The following ZNF385D variants were observed in gnomAD, a reference collection of about 807,000 sequenced individuals.
ZNF385D encodes zinc finger protein 385D.
In ZNF385D, 15 loss-of-function variants were observed where a neutral mutation model predicts 35.8. That is an observed-to-expected ratio of 0.42 (90% confidence interval 0.28 to 0.64). The LOEUF (loss-of-function observed/expected upper bound fraction) is 0.64, where lower values mean the gene tolerates loss of function less well. Among genes scored for constraint, ZNF385D ranks in the 30% least tolerant of loss-of-function variants. The pLI, the probability that ZNF385D is intolerant of heterozygous loss-of-function variation, is 0.23. For missense variants in ZNF385D, 474 were observed against 494.6 expected (o/e 0.96, Z 0.39); for synonymous variants, 212 against 186.8 (o/e 1.13, Z -1.10).
Position 22,078,911 on chromosome 3 carries a change from T to C in ZNF385D, c.325+89906A>G, listed in dbSNP as rs1700600448. Among the ~76,000 whole-genome samples the C allele has an allele frequency of 2.0e-5, 3 of 152,202 alleles. No homozygotes were observed. In the South Asian group the frequency reaches 6.2e-4, roughly 31 times the overall value. On this transcript the variant is annotated intron_variant, in intron 3 of 5. Transcript: ENST00000494108. ...CAATAATGTTATTTCTAACAAAGTA[T>C]GCTTTGTCAAAAAATGTGTGGAAAT... is the stretch of plus-strand genomic sequence containing the variant.
intron 2 of ZNF385D, among the ~76,000 whole-genome samples, chr3:22,350,163 C>A (rs1192781752): frequency 1.3e-5 from 2 of 152,076 alleles, no homozygotes; most frequent in Non-Finnish European, 2.9e-5. Context: ...TAAGCGTTTA[C>A]ATGCAAAGAA....
chr3:22,119,750 C>A (rs914207468), intron 3 of ZNF385D, among the ~76,000 whole-genome samples: 1 of 152,142 alleles, frequency 6.6e-6, no homozygotes, highest in African/African-American at 2.4e-5. Context: ...ACAGGATTCC[C>A]TGGGATTTCT....
At chr3:22,089,665 G>A (rs985024298) in intron 3 of ZNF385D, among the ~76,000 whole-genome samples, 1 of 152,062 alleles carries the variant, frequency 6.6e-6, no homozygotes, top group Non-Finnish European at 1.5e-5. Context: ...CCCTGAGTAA[G>A]GGGGGGATTT....
chr3:21,934,857 C>T (rs1339365734), intron 3 of ZNF385D, among the ~76,000 whole-genome samples: 1 of 152,152 alleles, frequency 6.6e-6, no homozygotes. Flanking sequence ...TTGGTTTTTT[C>T]ACATTGATTC....
At chr3:21,674,151 T>C (rs1474656729) in intron 1 of ZNF385D, among the ~76,000 whole-genome samples, 1 of 152,110 alleles carries the variant, frequency 6.6e-6, no homozygotes, top group Non-Finnish European at 1.5e-5. Flanking sequence ...TGGTCAACAT[T>C]GTCTCAGGCT....
chr3:21,746,876 G>T (rs992149374), intron 1 of ZNF385D, among the ~76,000 whole-genome samples: 1 of 152,244 alleles, frequency 6.6e-6, no homozygotes, highest in African/African-American at 2.4e-5. Flanking sequence ...ACACTAGTTT[G>T]GAGGTGAACT....
chr3:21,674,846 T>G (rs2066675044), intron 1 of ZNF385D, among the ~76,000 whole-genome samples: 1 of 152,070 alleles, frequency 6.6e-6, no homozygotes, highest in Non-Finnish European at 1.5e-5. Context: ...GACTTCTATA[T>G]ATTAGGAGGT....
intron 2 of ZNF385D, among the ~76,000 whole-genome samples, chr3:22,350,909 T>C (rs1441284138): frequency 1.3e-5 from 2 of 152,082 alleles, no homozygotes; most frequent in Non-Finnish European, 2.9e-5. Flanking sequence ...GGGATATACA[T>C]TATTTTTCAC....
chr3:22,366,500 CAT>C (rs1351518477), intron 2 of ZNF385D, among the ~76,000 whole-genome samples: 2 of 152,112 alleles, frequency 1.3e-5, no homozygotes, highest in African/African-American at 4.8e-5. Context: ...AAAATTAAAA[CAT>C]ATTAAAATAA....
At chr3:21,635,057 A>T (rs1330193502) in intron 2 of ZNF385D, among the ~76,000 whole-genome samples, 1 of 152,120 alleles carries the variant, frequency 6.6e-6, no homozygotes, top group East Asian at 1.9e-4. Context: ...AGGCAAATAG[A>T]AACCCATAGA....
chr3:21,483,811 C>A (rs1323973196), intron 4 of ZNF385D, among the ~76,000 whole-genome samples: 1 of 152,016 alleles, frequency 6.6e-6, no homozygotes, highest in Non-Finnish European at 1.5e-5. Context: ...TTTATATATT[C>A]TAGATATAAC....
At chr3:22,348,954 T>A (rs1695791706) in intron 2 of ZNF385D, among the ~76,000 whole-genome samples, 1 of 152,212 alleles carries the variant, frequency 6.6e-6, no homozygotes, top group Admixed American at 6.5e-5. Context: ...CATAAAGTTG[T>A]TCATTCCAGG....
chr3:21,904,005 TTTA>T, intron 3 of ZNF385D, among the ~76,000 whole-genome samples: 1 of 152,230 alleles, frequency 6.6e-6, no homozygotes, highest in East Asian at 1.9e-4. Flanking sequence ...GTGTATACAA[TTTA>T]TTATTATAAT....
rs1246382658 is a variant in ZNF385D, at chr3:21,475,472, A to T, written c.439+35389T>A. Among the ~76,000 whole-genome samples, 4 of 152,090 alleles carry T rather than the reference A, an allele frequency of 2.6e-5. No individual in the cohort carries two copies. The East Asian group carries it at 7.7e-4, about 29-fold the overall frequency. The stretch of plus-strand genomic sequence containing the variant: ...TGAGAAATTTTGGGATTCGATATAC[A>T]TTTTAAAATTTTTCAAAGTTACTAA... On this transcript the variant is annotated intron_variant, in intron 4 of 7. Transcript: ENST00000281523.
intron 2 of ZNF385D, among the ~76,000 whole-genome samples, chr3:22,188,831 T>G (rs1695825627): frequency 6.6e-6 from 1 of 152,198 alleles, no homozygotes; most frequent in African/African-American, 2.4e-5. Context: ...TTTTAAGCAT[T>G]TCTATTTCAT....
At chr3:21,802,187 T>C (rs946666407) in intron 3 of ZNF385D, among the ~76,000 whole-genome samples, 5 of 152,196 alleles carry the variant, frequency 3.3e-5, no homozygotes, top group African/African-American at 7.2e-5. Context: ...CTAATGTAGA[T>C]TGCAATTCCA....
At chr3:21,700,792 T>C (rs2067653596) in intron 1 of ZNF385D, among the ~76,000 whole-genome samples, 1 of 152,262 alleles carries the variant, frequency 6.6e-6, no homozygotes, top group South Asian at 2.1e-4. Context: ...ATGTTAATGT[T>C]AATGTCATGA....
chr3:22,335,111 T>C (rs1473589030), intron 2 of ZNF385D, among the ~76,000 whole-genome samples: 1 of 152,174 alleles, frequency 6.6e-6, no homozygotes, highest in Non-Finnish European at 1.5e-5. Context: ...TTGAATATAA[T>C]GTATGATCAT....
At chr3:21,454,622 C>T (rs557274350) in intron 4 of ZNF385D, among the ~76,000 whole-genome samples, 4 of 152,246 alleles carry the variant, frequency 2.6e-5, no homozygotes, top group Admixed American at 2.0e-4. Flanking sequence ...GACAAACCCA[C>T]AGCCAATATC....
Sources: gnomAD v4.1 joint callset for allele counts (sites outside exome capture counted in the v4.1 genomes callset) on GRCh38, gnomAD v4.1.1 for gene constraint, MANE v1.5 for transcripts, NCBI Gene and HGNC (gene_info 2026-07-23, HGNC 2026-07-21) for gene names.